The following EPB41L3 variants were observed in gnomAD, a reference collection of about 807,000 sequenced individuals.
EPB41L3 encodes the protein erythrocyte membrane protein band 4.1 like 3, also known as band 4.1-like protein 3.
In EPB41L3, 57 loss-of-function variants were observed where a neutral mutation model predicts 127.1. The observed-to-expected ratio is 0.45, with a 90% CI of 0.36 to 0.56. The LOEUF (loss-of-function observed/expected upper bound fraction) is 0.56. Ranked by LOEUF, EPB41L3 falls within the 20% of genes least tolerant of loss-of-function variation. The pLI is 0.00. For synonymous variants in EPB41L3, 572 were observed against 549.5 expected (o/e 1.04, Z -0.57); for missense variants, 1,273 against 1,372.2 (o/e 0.93, Z 1.14).
intron 3 of EPB41L3, among the ~76,000 whole-genome samples, chr18:5,477,101 G>A (rs898831737): frequency 2.4e-4 from 36 of 152,132 alleles, no homozygotes; most frequent in African/African-American, 1.4e-4. Context: ...TGAATTCAGC[G>A]TGAAATGGAT....
intron 1 of EPB41L3, among the ~76,000 whole-genome samples, chr18:5,534,485 T>C (rs1310076206): frequency 2.0e-5 from 3 of 152,200 alleles, no homozygotes; most frequent in South Asian, 4.1e-4. Context: ...CCCCAAAAAT[T>C]CCTTTTTAAT....
chr18:5,470,680 T>A (rs189599280), intron 3 of EPB41L3, among the ~76,000 whole-genome samples: 24 of 152,352 alleles, frequency 1.6e-4, no homozygotes, highest in African/African-American at 5.8e-4. Flanking sequence ...TAACCTTGTC[T>A]CCTACCTCGT....
intron 1 of EPB41L3, chr18:5,508,137 G>A (rs1343198038): frequency 3.3e-5 from 5 of 152,078 alleles, no homozygotes; most frequent in African/African-American, 2.4e-5. Context: ...TGGGCATCAA[G>A]GAACTACAAG....
At chr18:5,544,117 A>T, upstream of EPB41L3, 1 of 985,398 alleles carries the variant, frequency 1.0e-6, no homozygotes, top group Non-Finnish European at 1.2e-6. Flanking sequence ...AGACCGTGCG[A>T]GGAAAGCCAA....
intron 1 of EPB41L3, among the ~76,000 whole-genome samples, chr18:5,512,505 T>A (rs1000191691): frequency 7.9e-5 from 12 of 152,050 alleles, no homozygotes; most frequent in African/African-American, 2.9e-4. Flanking sequence ...TTAGGAGCAA[T>A]GGAGAACGAG....
At chr18:5,581,692 A>G (rs2094395113) in intron 3 of EPB41L3, among the ~76,000 whole-genome samples, 1 of 152,158 alleles carries the variant, frequency 6.6e-6, no homozygotes, top group African/African-American at 2.4e-5. Flanking sequence ...CAAAACACAG[A>G]AATGAAACTT....
At chr18:5,447,195 T>C (rs1462045972) in intron 3 of EPB41L3, among the ~76,000 whole-genome samples, 12 of 152,200 alleles carry the variant, frequency 7.9e-5, no homozygotes, top group Admixed American at 7.9e-4. Flanking sequence ...ATGGATGACA[T>C]TAAAATCAAA....
chr18:5,560,599 G>A (rs1307125009), intron 3 of EPB41L3, among the ~76,000 whole-genome samples: 1 of 152,126 alleles, frequency 6.6e-6, no homozygotes, highest in Admixed American at 6.6e-5. Context: ...AGAGAACACC[G>A]CAGGATGCCT....
In EPB41L3 at chr18:5,396,312, T is replaced by A; in HGVS notation, c.2862A>T (p.Glu954Asp). The A allele has an allele frequency of 6.2e-7, 1 of 1,614,224 alleles. No homozygotes were observed. The highest frequency in any genetic ancestry group is 8.5e-7 in the Non-Finnish European group (1 of 1,180,032). The change falls in exon 19 of 23, where the codon GAA (glutamate) becomes GAT (aspartate). Residue 954 changes from glutamate to aspartate, a missense_variant. Glu to Asp is a conservative substitution (Grantham distance 45, BLOSUM62 2). Transcript: ENST00000341928. Reference protein sequence around the residue: ...PHFESSTVKTETISFGSVSPG... With the variant: ...PHFESSTVKTDTISFGSVSPG... ...GTGAAACACTGCCAAAACTGATGGTTTCCGTCTTCACCGTTGAGGACTGTG... is the reference window on the plus strand; with the variant it reads ...GTGAAACACTGCCAAAACTGATGGTATCCGTCTTCACCGTTGAGGACTGTG...
chr18:5,539,177 G>A (rs950306251), intron 1 of EPB41L3, among the ~76,000 whole-genome samples: 1 of 151,948 alleles, frequency 6.6e-6, no homozygotes, highest in Admixed American at 6.6e-5. Flanking sequence ...TATAACTGGA[G>A]AGAAAAATAT....
At chr18:5,617,187 C>T (rs1159098232) in intron 1 of EPB41L3, among the ~76,000 whole-genome samples, 1 of 152,076 alleles carries the variant, frequency 6.6e-6, no homozygotes, top group Non-Finnish European at 1.5e-5. Context: ...AATGATAGCA[C>T]CATATTTTAT....
chr18:5,491,580 AC>A (rs1299486101), intron 1 of EPB41L3, among the ~76,000 whole-genome samples: 1 of 152,226 alleles, frequency 6.6e-6, no homozygotes, highest in Non-Finnish European at 1.5e-5. Flanking sequence ...ATGTACCATT[AC>A]CATCTATGAC....
At chr18:5,524,483 T>C (rs1322531986) in intron 1 of EPB41L3, among the ~76,000 whole-genome samples, 3 of 152,106 alleles carry the variant, frequency 2.0e-5, no homozygotes, top group African/African-American at 7.2e-5. Context: ...GCGTGAGCCA[T>C]TGCACCTGGT....
intron 1 of EPB41L3, among the ~76,000 whole-genome samples, chr18:5,517,716 G>A (rs1284081070): frequency 6.6e-6 from 1 of 152,098 alleles, no homozygotes; most frequent in Non-Finnish European, 1.5e-5. Context: ...GAGATTATAG[G>A]TGTGAGCCAC....
In EPB41L3 at chr18:5,438,062, G is replaced by C. The variant is rs2080127183; in HGVS notation, c.578C>G (p.Pro193Arg). The change falls in exon 6 of 23, where the codon CCT becomes CGT. Residue 193 changes from proline to arginine, a missense_variant. Pro to Arg is a moderately radical substitution (Grantham distance 103). Coordinates refer to ENST00000341928, the MANE Select transcript of EPB41L3 (RefSeq NM_012307.5). ...SFNVKFYPPD[P>R]AQLSEDITRY... Reference sequence around the variant, plus strand: ...GGTGATATCTTCAGATAGTTGGGCAGGGTCTGGTGGATAAAATTTCACATT... The same window carrying C: ...GGTGATATCTTCAGATAGTTGGGCACGGTCTGGTGGATAAAATTTCACATT... 1.2e-6 allele frequency: 2 copies of C among 1,613,922 alleles called. No homozygotes were observed. The highest frequency in any genetic ancestry group is 1.7e-6 in the Non-Finnish European group (2 of 1,179,946).
intron 3 of EPB41L3, among the ~76,000 whole-genome samples, chr18:5,560,468 C>CT (rs1368443304): frequency 2.6e-5 from 4 of 152,100 alleles, no homozygotes; most frequent in African/African-American, 9.7e-5. Flanking sequence ...TTAATTTTAA[C>CT]TTTTTCAAAC....
At chr18:5,495,759 G>C (rs2091110561) in intron 1 of EPB41L3, among the ~76,000 whole-genome samples, 1 of 152,174 alleles carries the variant, frequency 6.6e-6, no homozygotes, top group Non-Finnish European at 1.5e-5. Flanking sequence ...AGTGGGTTCC[G>C]CGCCCAACTC....
At chr18:5,475,715 C>T (rs1310914243) in intron 3 of EPB41L3, among the ~76,000 whole-genome samples, 1 of 152,210 alleles carries the variant, frequency 6.6e-6, no homozygotes, top group African/African-American at 2.4e-5. Context: ...TACCTCCACT[C>T]CTGCTAAATG....
At chr18:5,474,185 C>T (rs138009203) in intron 3 of EPB41L3, among the ~76,000 whole-genome samples, 4,064 of 151,304 alleles carry the variant, frequency 0.027, 79 homozygotes, top group Middle Eastern at 0.071. Context: ...GAGCCGAGAT[C>T]GCGCCACTGC....
Sources: gnomAD v4.1 joint callset for allele counts (sites outside exome capture counted in the v4.1 genomes callset) on GRCh38, gnomAD v4.1.1 for gene constraint, MANE v1.5 for transcripts, NCBI Gene and HGNC (gene_info 2026-07-23, HGNC 2026-07-21) for gene names.